SEMA3E: variants seen among roughly 807,000 people sequenced by gnomAD.
SEMA3E encodes semaphorin 3E, also known as semaphorin-3E.
A neutral mutation model predicts 93.6 loss-of-function variants in SEMA3E; 49 were observed. That is an observed-to-expected ratio of 0.52 (90% CI 0.42 to 0.66). The LOEUF (loss-of-function observed/expected upper bound fraction) is 0.66. Among genes scored for constraint, SEMA3E ranks in the 30% least tolerant of loss-of-function variants. The pLI is 0.00. For synonymous variants in SEMA3E, 363 were observed against 330.7 expected (o/e 1.10, Z -1.06); for missense variants, 906 against 964.8 (o/e 0.94, Z 0.81).
chr7:83,485,349 T>C (rs1408926922), intron 2 of SEMA3E, among the ~76,000 whole-genome samples: 1 of 152,216 alleles, frequency 6.6e-6, no homozygotes, highest in African/African-American at 2.4e-5. Context: ...CAAAGAGGAA[T>C]AATATTTATC....
chr7:83,434,016 A>T (rs556906940), intron 4 of SEMA3E, among the ~76,000 whole-genome samples: 1 of 152,228 alleles, frequency 6.6e-6, no homozygotes, highest in African/African-American at 2.4e-5. Flanking sequence ...GAAGAAATTC[A>T]TTAGAAACTA....
intron 1 of SEMA3E, among the ~76,000 whole-genome samples, chr7:83,525,062 C>T (rs1465979681): frequency 6.6e-6 from 1 of 152,018 alleles, no homozygotes; most frequent in African/African-American, 2.4e-5. Flanking sequence ...GTGCATCAAG[C>T]TTAACTTTTT....
chr7:83,385,460 T>C, intron 15 of SEMA3E, 27 bp from the exon 16 acceptor site: 2 of 1,611,328 alleles, frequency 1.2e-6, no homozygotes, highest in Middle Eastern at 1.7e-4. Context: ...AATGCCATCT[T>C]TGAGACTTAG....
chr7:83,553,217 A>G (rs1032876330), intron 1 of SEMA3E, among the ~76,000 whole-genome samples: 3 of 152,186 alleles, frequency 2.0e-5, no homozygotes, highest in Admixed American at 1.3e-4. Flanking sequence ...TATGGAAAAT[A>G]GAAAGAACCT....
intron 4 of SEMA3E, among the ~76,000 whole-genome samples, chr7:83,441,163 A>T (rs1198138199): frequency 1.3e-5 from 2 of 152,208 alleles, no homozygotes; most frequent in Non-Finnish European, 2.9e-5. Flanking sequence ...AATGGATTAG[A>T]AAAACAGTTT....
chr7:83,527,308 C>T (rs3779434), intron 1 of SEMA3E, among the ~76,000 whole-genome samples: 79,944 of 151,764 alleles, frequency 0.53, 23,376 homozygotes, highest in Middle Eastern at 0.69. Context: ...TAAGGCAATT[C>T]CACTTGTGGT....
chr7:83,368,567 T>A (rs553667405), intron 16 of SEMA3E, among the ~76,000 whole-genome samples: 4 of 152,242 alleles, frequency 2.6e-5, no homozygotes, highest in African/African-American at 7.2e-5. Flanking sequence ...TACAAAAAAA[T>A]TCATCAGTTA....
At chr7:83,465,836 A>T (rs888934204) in intron 4 of SEMA3E, among the ~76,000 whole-genome samples, 1 of 152,210 alleles carries the variant, frequency 6.6e-6, no homozygotes, top group Non-Finnish European at 1.5e-5. Context: ...CCCAGCTTAC[A>T]GGAATAGGTT....
intron 16 of SEMA3E, among the ~76,000 whole-genome samples, chr7:83,383,411 GC>G (rs1342137517): frequency 6.6e-6 from 1 of 151,864 alleles, no homozygotes; most frequent in Non-Finnish European, 1.5e-5. Context: ...GAACTCACAT[GC>G]AAAGTTATTC....
chr7:83,403,105 T>C (rs1485500172), intron 9 of SEMA3E, among the ~76,000 whole-genome samples: 2 of 151,996 alleles, frequency 1.3e-5, no homozygotes, highest in East Asian at 3.8e-4. Flanking sequence ...CAAAGGCTTA[T>C]TCCCAAGTTG....
chr7:83,496,183 T>C (rs1790487555), intron 1 of SEMA3E, among the ~76,000 whole-genome samples: 4 of 151,938 alleles, frequency 2.6e-5, no homozygotes. Flanking sequence ...ATTTGGTCAG[T>C]GTTGGTGACA....
chr7:83,559,433 G>T (rs1476129685), intron 1 of SEMA3E, among the ~76,000 whole-genome samples: 1 of 151,984 alleles, frequency 6.6e-6, no homozygotes. Flanking sequence ...ACATCTCACA[G>T]AAGAAGGTAT....
At chr7:83,470,294 C>A (rs1304241590) in intron 2 of SEMA3E, among the ~76,000 whole-genome samples, 1 of 152,140 alleles carries the variant, frequency 6.6e-6, no homozygotes, top group Non-Finnish European at 1.5e-5. Flanking sequence ...ACTGGTTCCA[C>A]AAATTTCTAA....
At chr7:83,417,987 T>C (rs1231308325) in intron 5 of SEMA3E, among the ~76,000 whole-genome samples, 4 of 152,148 alleles carry the variant, frequency 2.6e-5, no homozygotes, top group African/African-American at 9.6e-5. Context: ...CAGAGAAAGA[T>C]ACCATAAAGA....
At chr7:83,481,025 G>A (rs1051326649) in intron 2 of SEMA3E, among the ~76,000 whole-genome samples, 1 of 152,016 alleles carries the variant, frequency 6.6e-6, no homozygotes, top group Admixed American at 6.6e-5. Flanking sequence ...AACTTAATGA[G>A]GACTCTTTTA....
intron 1 of SEMA3E, among the ~76,000 whole-genome samples, chr7:83,534,087 A>G (rs1490504621): frequency 1.3e-5 from 2 of 152,254 alleles, no homozygotes; most frequent in African/African-American, 4.8e-5. Context: ...CAAACTTTTT[A>G]GACCATGCCC....
At chr7:83,492,154 G>T (rs1021485330) in intron 1 of SEMA3E, among the ~76,000 whole-genome samples, 1 of 151,988 alleles carries the variant, frequency 6.6e-6, no homozygotes, top group Non-Finnish European at 1.5e-5. Context: ...AGCTTGAATA[G>T]GTTCCTAGAC....
intron 14 of SEMA3E, among the ~76,000 whole-genome samples, chr7:83,391,957 T>G (rs1053219559): frequency 6.6e-6 from 1 of 152,164 alleles, no homozygotes; most frequent in Non-Finnish European, 1.5e-5. Flanking sequence ...CACAACTTCA[T>G]ATGGCTTGAG....
At chr7:83,573,820 T>A (rs561051457) in intron 1 of SEMA3E, among the ~76,000 whole-genome samples, 10 of 151,942 alleles carry the variant, frequency 6.6e-5, no homozygotes, top group Non-Finnish European at 1.2e-4. Context: ...ATACTCTTCT[T>A]GGATATTCAT....
Sources: gnomAD v4.1 joint callset for allele counts (sites outside exome capture counted in the v4.1 genomes callset) on GRCh38, gnomAD v4.1.1 for gene constraint, MANE v1.5 for transcripts, NCBI Gene and HGNC (gene_info 2026-07-23, HGNC 2026-07-21) for gene names.